The following PAM variants were observed in gnomAD, a reference collection of about 807,000 sequenced individuals.
The protein encoded by PAM is peptidylglycine alpha-amidating monooxygenase, also known as peptidyl-glycine alpha-amidating monooxygenase.
Under a neutral mutation model 122.1 loss-of-function variants are expected in PAM, and 72 were observed. The observed-to-expected ratio is 0.59, with a 90% CI of 0.49 to 0.72. The LOEUF (loss-of-function observed/expected upper bound fraction) is 0.72, where lower values mean the gene tolerates loss of function less well. PAM is among the 30% of genes least tolerant of loss of function. The probability of loss-of-function intolerance (pLI) is 0.00; values close to 1 mark genes in which losing one functional copy is unlikely to be tolerated. For synonymous variants in PAM, 389 were observed against 404.4 expected (o/e 0.96, Z 0.46); for missense variants, 1,106 against 1,183.7 (o/e 0.93, Z 0.96).
chr5:102,765,999 G>A (rs926882491), intron 1 of PAM, among the ~76,000 whole-genome samples: 4 of 151,862 alleles, frequency 2.6e-5, no homozygotes, highest in East Asian at 1.9e-4. Context: ...AACCCATATC[G>A]GCATGATACA....
chr5:102,847,220 C>T (rs952097473), intron 1 of PAM, among the ~76,000 whole-genome samples: 2 of 152,176 alleles, frequency 1.3e-5, no homozygotes, highest in Non-Finnish European at 2.9e-5. Context: ...GCTGGAATCA[C>T]CTGAGGTCAG....
intron 21 of PAM, among the ~76,000 whole-genome samples, chr5:103,010,738 C>A (rs1158992215): frequency 6.6e-6 from 1 of 152,104 alleles, no homozygotes; most frequent in Non-Finnish European, 1.5e-5. Context: ...ATTTAAAAAA[C>A]TTTAAAATGC....
intron 1 of PAM, among the ~76,000 whole-genome samples, chr5:102,780,655 C>G (rs551717863): frequency 2.6e-5 from 4 of 152,254 alleles, no homozygotes; most frequent in East Asian, 3.9e-4. Context: ...CCCTGACAAC[C>G]AGATTTCTGA....
chr5:102,970,587 G>A (rs1435402314), intron 14 of PAM, among the ~76,000 whole-genome samples: 1 of 152,176 alleles, frequency 6.6e-6, no homozygotes, highest in Non-Finnish European at 1.5e-5. Flanking sequence ...AGAAAAGAGA[G>A]AAGACAGGAG....
At chr5:102,802,692 T>C (rs988528923) in intron 1 of PAM, among the ~76,000 whole-genome samples, 6 of 152,198 alleles carry the variant, frequency 3.9e-5, no homozygotes, top group Admixed American at 6.5e-5. Context: ...ATCACCCAGT[T>C]ACAACACTGT....
chr5:102,857,427 G>A (rs1782937575), intron 1 of PAM, among the ~76,000 whole-genome samples: 1 of 152,132 alleles, frequency 6.6e-6, no homozygotes, highest in African/African-American at 2.4e-5. Flanking sequence ...CAAATATGGG[G>A]GAGGAGTTGG....
At position 102,760,919 on chromosome 5, in the gene PAM, A is replaced by G. The variant is rs1176831974; in HGVS notation, c.-374+5571A>G. Among the ~76,000 whole-genome samples the G allele has an allele frequency of 3.9e-5, 6 of 152,376 alleles. No individual in the cohort carries two copies. In the South Asian group the frequency reaches 1.0e-3, roughly 26 times the overall value. ...ATGTAGCAACAGAAGTTCTACATAT[A>G]AACAGCGTTACTCAAATCATGTGTG... On this transcript the variant is annotated intron_variant, in intron 1 of 25. Coordinates refer to ENST00000438793, the MANE Select transcript of PAM (RefSeq NM_001177306.2).
intron 1 of PAM, among the ~76,000 whole-genome samples, chr5:102,800,708 G>C (rs1764480386): frequency 6.6e-6 from 1 of 152,148 alleles, no homozygotes; most frequent in Non-Finnish European, 1.5e-5. Flanking sequence ...AACTCCCTTT[G>C]AGTCCCTGGG....
chr5:103,005,739 A>G (rs1420624896), intron 18 of PAM, among the ~76,000 whole-genome samples: 2 of 152,220 alleles, frequency 1.3e-5, no homozygotes, highest in African/African-American at 4.8e-5. Flanking sequence ...AACAATCCAC[A>G]TCTGAAATAT....
chr5:103,003,108 T>A lies in PAM; in HGVS notation c.1689T>A (p.Asp563Glu). Reference protein sequence around the residue: ...PIEEDTILVIDPNNAAVLQSS... With the variant: ...PIEEDTILVIEPNNAAVLQSS... ...AAGAAGACACTATTCTTGTCATAGATCCAAATAATGCTGCAGTACTCCAGT... is the reference window on the plus strand; with the variant it reads ...AAGAAGACACTATTCTTGTCATAGAACCAAATAATGCTGCAGTACTCCAGT... The change falls in exon 17 of 26, where the codon GAT (aspartate) becomes GAA (glutamate). Residue 563 changes from aspartate (D) to glutamate (E), a missense_variant. Transcript: ENST00000438793. The A allele has an allele frequency of 6.3e-7, 1 of 1,599,576 alleles. No individual in the cohort carries two copies. Among genetic ancestry groups the A allele is most frequent in the Non-Finnish European group, 8.6e-7 (1 of 1,166,780 alleles).
At chr5:102,837,213 T>G (rs923068684) in intron 1 of PAM, among the ~76,000 whole-genome samples, 1 of 152,234 alleles carries the variant, frequency 6.6e-6, no homozygotes, top group Non-Finnish European at 1.5e-5. Context: ...GAGGCTTTCC[T>G]GAGCCTTACA....
intron 15 of PAM, among the ~76,000 whole-genome samples, chr5:102,977,399 C>A (rs1582446746): frequency 6.6e-6 from 1 of 152,228 alleles, no homozygotes; most frequent in East Asian, 1.9e-4. Flanking sequence ...TTCCCCAGAA[C>A]AAGACGGTTA....
intron 3 of PAM, among the ~76,000 whole-genome samples, chr5:102,871,697 T>C (rs1377434883): frequency 1.4e-5 from 2 of 147,138 alleles, no homozygotes; most frequent in East Asian, 3.9e-4. Flanking sequence ...TTTATATATA[T>C]ATAAAATATA....
intron 1 of PAM, among the ~76,000 whole-genome samples, chr5:102,814,193 A>G (rs1207409807): frequency 1.3e-5 from 2 of 152,184 alleles, no homozygotes; most frequent in African/African-American, 2.4e-5. Flanking sequence ...CACTAACGCA[A>G]AGATTTTAGT....
chr5:102,774,440 T>G (rs999582710), intron 1 of PAM, among the ~76,000 whole-genome samples: 1 of 152,120 alleles, frequency 6.6e-6, no homozygotes, highest in African/African-American at 2.4e-5. Context: ...ATGTGACCTT[T>G]CTGTGTCAGT....
In PAM at chr5:102,948,359, A is replaced by T; in HGVS notation, c.576-19A>T. 2 of 1,465,354 alleles carry T rather than the reference A, an allele frequency of 1.4e-6. No individual in the cohort carries two copies. The highest frequency in any genetic ancestry group is 1.9e-6 in the Non-Finnish European group (2 of 1,050,386). The allele number at this position is 1,465,354 out of a possible 1,614,324, so 90.8% of individuals were successfully genotyped here. ...TGACTTTTTCAGGTATTTTAGAAAA[A>T]TGTTATTTTTTTCTGCAGACAGCCT... On this transcript the variant is annotated intron_variant, in intron 8 of 25. Coordinates refer to ENST00000438793, the MANE Select transcript of PAM (RefSeq NM_001177306.2).
intron 8 of PAM, 73 bp downstream of exon 8, chr5:102,946,958 G>T: frequency 1.1e-6 from 1 of 925,170 alleles, no homozygotes; most frequent in Admixed American, 1.9e-5. Context: ...GAAGTTTACT[G>T]TATTAATTAT....
At chr5:102,911,429 A>G (rs1360468270) in intron 4 of PAM, among the ~76,000 whole-genome samples, 1 of 151,994 alleles carries the variant, frequency 6.6e-6, no homozygotes, top group Non-Finnish European at 1.5e-5. Context: ...TTAAACACAT[A>G]CCTAGTTAGA....
intron 1 of PAM, among the ~76,000 whole-genome samples, chr5:102,851,433 A>G (rs908859876): frequency 6.6e-6 from 1 of 152,308 alleles, no homozygotes; most frequent in Non-Finnish European, 1.5e-5. Context: ...ATTACAATGT[A>G]ATACTAATAG....
Sources: allele counts gnomAD v4.1 joint callset (sites outside exome capture counted in the v4.1 genomes callset), GRCh38; gene constraint gnomAD v4.1.1; transcripts MANE v1.5; gene names NCBI Gene and HGNC (gene_info 2026-07-23, HGNC 2026-07-21).